NKAIN3: variants seen among roughly 807,000 people sequenced by gnomAD.
NKAIN3 encodes the protein sodium/potassium-transporting ATPase subunit beta-1-interacting protein 3.
NKAIN3 carries 25 observed loss-of-function variants against 30.2 expected under a neutral mutation model. That is an observed-to-expected ratio of 0.83 (90% CI 0.60 to 1.16). NKAIN3 has a LOEUF of 1.16. NKAIN3 is among the 50% of genes most tolerant of loss of function. The pLI is 0.00. For synonymous variants in NKAIN3, 91 were observed against 89.6 expected (o/e 1.02, Z -0.09); for missense variants, 225 against 254.1 (o/e 0.89, Z 0.78).
intron 3 of NKAIN3, among the ~76,000 whole-genome samples, chr8:62,634,355 C>T (rs574595655): frequency 6.6e-6 from 1 of 152,218 alleles, no homozygotes; most frequent in East Asian, 1.9e-4. Context: ...TCCTGTTTTC[C>T]CACACATGAT....
chr8:62,348,083 G>T (rs1245406823), intron 1 of NKAIN3, among the ~76,000 whole-genome samples: 2 of 151,992 alleles, frequency 1.3e-5, no homozygotes, highest in Non-Finnish European at 2.9e-5. Context: ...ATGCTAGGCT[G>T]CCATCCATCT....
At chr8:62,534,861 G>GTTTTT (rs56262159) in intron 1 of NKAIN3, among the ~76,000 whole-genome samples, 3 of 148,528 alleles carry the variant, frequency 2.0e-5, no homozygotes, top group Non-Finnish European at 1.5e-5. Flanking sequence ...GCATTTATTG[G>GTTTTT]TTTTTTTTTT....
chr8:62,423,732 T>C (rs561747237), intron 1 of NKAIN3, among the ~76,000 whole-genome samples: 72 of 152,136 alleles, frequency 4.7e-4, no homozygotes, highest in African/African-American at 1.7e-3. Flanking sequence ...GAAATTATCA[T>C]GGCCCCTTCT....
intron 4 of NKAIN3, among the ~76,000 whole-genome samples, chr8:62,913,823 T>A (rs1241693538): frequency 4.6e-5 from 7 of 152,158 alleles, no homozygotes; most frequent in Non-Finnish European, 8.8e-5. Flanking sequence ...CCCCCAGAAT[T>A]TGAAATTGTC....
chr8:62,870,250 C>CTA lies in NKAIN3; in HGVS notation c.472-48193_472-48192dup, dbSNP rs370536390. ...TCTATATATAGATATCTATAGATAT[C>CTA]TATATATATATCTATATATAGATAT... is the stretch of plus-strand genomic sequence containing the variant. On this transcript the variant is annotated intron_variant, in intron 4 of 6. Coordinates refer to ENST00000623646, the MANE Select transcript of NKAIN3 (RefSeq NM_001304533.3). Among the ~76,000 whole-genome samples, 39 of 98,894 alleles carry CTA rather than the reference C, an allele frequency of 3.9e-4. 3 individuals are homozygous for CTA. Among genetic ancestry groups the CTA allele is most frequent in the African/African-American group, 2.2e-3 (37 of 17,140 alleles). The allele number at this position is 98,894 out of a possible 152,430, so 64.9% of individuals were successfully genotyped here.
intron 3 of NKAIN3, among the ~76,000 whole-genome samples, chr8:62,624,586 T>C (rs181139555): frequency 3.9e-4 from 60 of 152,026 alleles, no homozygotes; most frequent in Non-Finnish European, 1.8e-4. Flanking sequence ...TTTGTTTGTT[T>C]GTTTGACGTT....
chr8:62,396,878 A>G (rs2129594986), intron 1 of NKAIN3, among the ~76,000 whole-genome samples: 1 of 152,338 alleles, frequency 6.6e-6, no homozygotes, highest in South Asian at 2.1e-4. Context: ...ATACCAAGTG[A>G]TTGTGATGTC....
At chr8:62,822,628 G>A (rs965819703) in intron 4 of NKAIN3, among the ~76,000 whole-genome samples, 4 of 152,146 alleles carry the variant, frequency 2.6e-5, no homozygotes, top group East Asian at 3.9e-4. Context: ...GGTCACTGAT[G>A]TTATATTATA....
intron 1 of NKAIN3, among the ~76,000 whole-genome samples, chr8:62,413,577 CTAAA>C (rs1258196717): frequency 1.3e-5 from 2 of 152,060 alleles, no homozygotes; most frequent in African/African-American, 2.4e-5. Flanking sequence ...TAATCAAGAG[CTAAA>C]TAAATAGAGG....
chr8:62,750,570 G>T (rs987329016), intron 4 of NKAIN3, among the ~76,000 whole-genome samples: 1 of 152,066 alleles, frequency 6.6e-6, no homozygotes, highest in Admixed American at 6.5e-5. Flanking sequence ...AGCTTCTGCC[G>T]GCGCCTCTGT....
At chr8:62,938,221 T>C (rs1376649405) in intron 5 of NKAIN3, among the ~76,000 whole-genome samples, 1 of 152,056 alleles carries the variant, frequency 6.6e-6, no homozygotes, top group Admixed American at 6.6e-5. Context: ...TAGGGGAAGT[T>C]TGTATCCTCC....
chr8:62,332,024 A>G (rs1487935382), intron 1 of NKAIN3, among the ~76,000 whole-genome samples: 2 of 152,124 alleles, frequency 1.3e-5, no homozygotes, highest in East Asian at 1.9e-4. Context: ...AATTATTTCC[A>G]TTTTGATTCT....
intron 1 of NKAIN3, among the ~76,000 whole-genome samples, chr8:62,317,075 T>C (rs569642221): frequency 6.6e-6 from 1 of 152,348 alleles, no homozygotes; most frequent in African/African-American, 2.4e-5. Context: ...AAATGTCTTC[T>C]TTTGAGAAGT....
chr8:62,743,987 A>G (rs540081045), intron 3 of NKAIN3, among the ~76,000 whole-genome samples: 2 of 152,300 alleles, frequency 1.3e-5, no homozygotes, highest in South Asian at 4.1e-4. Context: ...GTGATAGAGT[A>G]ATATTTCTAG....
At chr8:62,628,977 A>T (rs1811870023) in intron 3 of NKAIN3, among the ~76,000 whole-genome samples, 1 of 152,146 alleles carries the variant, frequency 6.6e-6, no homozygotes, top group Non-Finnish European at 1.5e-5. Flanking sequence ...ATGTAGCTGA[A>T]ATTCATTTTC....
intron 3 of NKAIN3, among the ~76,000 whole-genome samples, chr8:62,606,457 G>C (rs1340334931): frequency 6.6e-6 from 1 of 152,070 alleles, no homozygotes; most frequent in Non-Finnish European, 1.5e-5. Flanking sequence ...GATTCAAAAA[G>C]TATTTCAAGG....
At chr8:62,507,215 A>C (rs1269991214) in intron 1 of NKAIN3, among the ~76,000 whole-genome samples, 1 of 152,202 alleles carries the variant, frequency 6.6e-6, no homozygotes, top group African/African-American at 2.4e-5. Flanking sequence ...GGAAGTTATG[A>C]GTACAACCAG....
At chr8:62,748,752 A>G (rs1816169525) in intron 4 of NKAIN3, among the ~76,000 whole-genome samples, 1 of 152,230 alleles carries the variant, frequency 6.6e-6, no homozygotes, top group Non-Finnish European at 1.5e-5. Flanking sequence ...ACTGAACTCA[A>G]AGAAAGGGAT....
intron 4 of NKAIN3, among the ~76,000 whole-genome samples, chr8:62,895,913 G>A (rs984437309): frequency 2.6e-5 from 4 of 151,846 alleles, no homozygotes; most frequent in African/African-American, 9.7e-5. Flanking sequence ...TCTCAAATGA[G>A]CCTCACTTGT....
Sources: gnomAD v4.1 joint callset for allele counts (sites outside exome capture counted in the v4.1 genomes callset) on GRCh38, gnomAD v4.1.1 for gene constraint, MANE v1.5 for transcripts, NCBI Gene and HGNC (gene_info 2026-07-23, HGNC 2026-07-21) for gene names.